PCDHA11: variants seen among roughly 807,000 people sequenced by gnomAD.
PCDHA11 encodes protocadherin alpha-11.
Under a neutral mutation model 70.3 loss-of-function variants are expected in PCDHA11, and 61 were observed. The observed-to-expected ratio is 0.87, with a 90% confidence interval of 0.71 to 1.07. PCDHA11 has a LOEUF of 1.07. Among genes scored for constraint, PCDHA11 ranks in the 50% least tolerant of loss-of-function variants. The pLI, the probability that PCDHA11 is intolerant of heterozygous loss-of-function variation, is 0.00. For missense variants in PCDHA11, 1,324 were observed against 1,237.5 expected (o/e 1.07, Z -1.05); for synonymous variants, 633 against 555.1 (o/e 1.14, Z -1.97).
intron 3 of PCDHA11, among the ~76,000 whole-genome samples, chr5:140,985,614 C>G (rs2097160648): frequency 6.6e-6 from 1 of 152,100 alleles, no homozygotes; most frequent in East Asian, 1.9e-4. Flanking sequence ...TTCCGTGAAC[C>G]AGCTGTGTAT....
intron 1 of PCDHA11, chr5:140,926,803 C>T (rs2083562434): frequency 6.9e-7 from 1 of 1,454,300 alleles, no homozygotes; most frequent in Non-Finnish European, 9.0e-7. Flanking sequence ...GTGCTCTTCC[C>T]CGCGGCTCGT....
chr5:140,983,359 A>G (rs1310994731), intron 3 of PCDHA11, among the ~76,000 whole-genome samples: 1 of 152,254 alleles, frequency 6.6e-6, no homozygotes, highest in African/African-American at 2.4e-5. Flanking sequence ...TAATAGAAAT[A>G]TGGCTTTGGA....
At chr5:140,909,812 A>T (rs1353892202) in intron 1 of PCDHA11, among the ~76,000 whole-genome samples, 1 of 151,982 alleles carries the variant, frequency 6.6e-6, no homozygotes, top group Non-Finnish European at 1.5e-5. Context: ...AAAACTCCAT[A>T]AGCCCCTACT....
At position 140,927,034 on chromosome 5, in the gene PCDHA11, G is replaced by A. The variant is rs782732545; in HGVS notation, c.2392-51915G>A. ...CTCCGCGGACTTGAGGCTGCCAGCG[G>A]CCGCTATGTCCTCGCGGAACTTTCG... On this transcript the variant is annotated intron_variant, in intron 1 of 3. Coordinates refer to ENST00000398640, the MANE Select transcript of PCDHA11 (RefSeq NM_018902.5). 6 of 1,612,400 alleles carry A rather than the reference G, an allele frequency of 3.7e-6. No individual in the cohort carries two copies. The East Asian group carries it at 8.9e-5, about 24-fold the overall frequency.
chr5:140,968,574 T>A (rs2096256536), intron 1 of PCDHA11: 1 of 1,614,218 alleles, frequency 6.2e-7, no homozygotes, highest in Non-Finnish European at 8.5e-7. Flanking sequence ...GCTGGCTACC[T>A]GGTCACCAAA....
At position 140,869,586 on chromosome 5, in the gene PCDHA11, CAT is replaced by C; in HGVS notation, c.484_485del (p.Ile162Ter). The C allele has an allele frequency of 3.7e-6, 6 of 1,614,150 alleles. No individual in the cohort carries two copies. Among genetic ancestry groups the C allele is most frequent in the Non-Finnish European group, 5.1e-6 (6 of 1,180,034 alleles). On this transcript the variant is annotated frameshift_variant, in exon 1 of 4. Transcript: ENST00000398640. LOFTEE classifies it high-confidence loss of function. Reference protein sequence around the residue: ...FPLEGASDADIEENALLTYRL... With the variant: ...FPLEGASDADXEENALLTYRL... ...CACTAGAGGGAGCTTCTGATGCTGA[CAT>C]TGAAGAGAATGCTCTATTGACCTAC...
chr5:140,998,639 A>G (rs1165002908), intron 3 of PCDHA11, among the ~76,000 whole-genome samples: 2 of 151,766 alleles, frequency 1.3e-5, no homozygotes, highest in African/African-American at 2.4e-5. Flanking sequence ...ATCTCAGCTC[A>G]CTGCAACCTC....
chr5:140,967,073 G>T, intron 1 of PCDHA11: 1 of 1,613,160 alleles, frequency 6.2e-7, no homozygotes, highest in Non-Finnish European at 8.5e-7. Flanking sequence ...CTTCGTCAAC[G>T]AGCGCATTGA....
At chr5:140,938,805 A>G (rs367644327) in intron 1 of PCDHA11, among the ~76,000 whole-genome samples, 3 of 152,162 alleles carry the variant, frequency 2.0e-5, no homozygotes, top group East Asian at 3.9e-4. Context: ...TCGGTACCAC[A>G]AACCCCTGTG....
At chr5:140,971,181 C>T (rs1364149664) in intron 1 of PCDHA11, among the ~76,000 whole-genome samples, 1 of 152,104 alleles carries the variant, frequency 6.6e-6, no homozygotes, top group Non-Finnish European at 1.5e-5. Context: ...AGCTGTAAGC[C>T]GGAAGCTCAG....
At chr5:140,890,700 A>T (rs1265643590) in intron 1 of PCDHA11, among the ~76,000 whole-genome samples, 1 of 152,214 alleles carries the variant, frequency 6.6e-6, no homozygotes, top group East Asian at 1.9e-4. Context: ...CAGGGACCTT[A>T]CATTTTTAAA....
Position 140,941,319 on chromosome 5 carries a change from C to CT in PCDHA11, c.2392-37615dup, listed in dbSNP as rs70988781. On this transcript the variant is annotated intron_variant, in intron 1 of 3. Transcript: ENST00000398640. Reference sequence around the variant, plus strand: ...TTCTTTCTTTCTTTTTCTTCTTTCTCTTTTTTTTTTTTTTTCAGATGGAGT... The same window carrying CT: ...TTCTTTCTTTCTTTTTCTTCTTTCTCTTTTTTTTTTTTTTTTCAGATGGAGT... Among the ~76,000 whole-genome samples the CT allele has an allele frequency of 1.3e-3, 140 of 104,384 alleles. 3 individuals are homozygous for CT. The highest frequency in any genetic ancestry group is 2.9e-3 in the South Asian group (9 of 3,126). The allele number at this position is 104,384 out of a possible 152,430, so 68.5% of individuals were successfully genotyped here.
At chr5:140,931,396 G>C (rs1554208395) in intron 1 of PCDHA11, among the ~76,000 whole-genome samples, 1 of 152,000 alleles carries the variant, frequency 6.6e-6, no homozygotes, top group Non-Finnish European at 1.5e-5. Flanking sequence ...ATAAGTAAGC[G>C]ATAGGAAGGC....
At chr5:140,982,602 G>A (rs1554244640) in intron 3 of PCDHA11, 39 bp downstream of exon 3, 2 of 1,607,914 alleles carry the variant, frequency 1.2e-6, no homozygotes, top group African/African-American at 2.7e-5. Context: ...CTTGGTTTCT[G>A]GAAAGTGATC....
Position 140,871,305 on chromosome 5 carries a change from G to T in PCDHA11, c.2202G>T (p.Gly734=). The change falls in exon 1 of 4, where the codon GGG becomes GGT. Residue 734 remains glycine, a synonymous_variant. Coordinates refer to ENST00000398640, the MANE Select transcript of PCDHA11 (RefSeq NM_018902.5). ...ATPTEGACAP[G]KPTLVCSRAV... is the part of the protein sequence containing the mutation. ...CCACTGAGGGCGCGTGCGCGCCGGG[G>T]AAGCCCACGCTGGTGTGCTCCCGCG... 14 of 1,613,992 alleles carry T rather than the reference G, an allele frequency of 8.7e-6. No homozygotes were observed. Among genetic ancestry groups the T allele is most frequent in the Non-Finnish European group, 1.1e-5 (13 of 1,179,966 alleles).
intron 1 of PCDHA11, chr5:140,883,965 T>C: frequency 6.2e-7 from 1 of 1,613,128 alleles, no homozygotes; most frequent in Non-Finnish European, 8.5e-7. Flanking sequence ...CCGGCGCTGC[T>C]GACGCCCGGG....
chr5:140,967,154 G>A, intron 1 of PCDHA11: 2 of 1,610,730 alleles, frequency 1.2e-6, no homozygotes, highest in Non-Finnish European at 1.7e-6. Flanking sequence ...CAACCCCGTG[G>A]CGGTGAGCGC....
chr5:140,951,983 A>G (rs1043433314), intron 1 of PCDHA11, among the ~76,000 whole-genome samples: 1 of 152,214 alleles, frequency 6.6e-6, no homozygotes, highest in African/African-American at 2.4e-5. Context: ...CAAAAGGGAA[A>G]AACCAGCCAA....
chr5:141,000,419 A>ATTTTT (rs1563652468), intron 3 of PCDHA11, among the ~76,000 whole-genome samples: 15 of 60,994 alleles, frequency 2.5e-4, no homozygotes, highest in East Asian at 5.4e-4. Flanking sequence ...ATATATATAT[A>ATTTTT]TATTTTTTTT....
Sources: gnomAD v4.1 joint callset for allele counts (sites outside exome capture counted in the v4.1 genomes callset) on GRCh38, gnomAD v4.1.1 for gene constraint, MANE v1.5 for transcripts, NCBI Gene and HGNC (gene_info 2026-07-23, HGNC 2026-07-21) for gene names.